Variants in CDH15 observed in about 807,000 individuals in gnomAD.
CDH15 encodes cadherin-15.
In CDH15, 73 loss-of-function variants were observed where a neutral mutation model predicts 69.4. The observed-to-expected ratio is 1.05, with a 90% CI of 0.87 to 1.28. CDH15 has a LOEUF of 1.28. Ranked by LOEUF, CDH15 falls within the 50% of genes most tolerant of loss-of-function variation. The pLI, the probability that CDH15 is intolerant of heterozygous loss-of-function variation, is 0.00. For synonymous variants in CDH15, 624 were observed against 507.7 expected (o/e 1.23, Z -3.08); for missense variants, 1,343 against 1,133.6 (o/e 1.18, Z -2.65).
intron 13 of CDH15, 139 bp downstream of exon 13, chr16:89,194,052 A>C: frequency 9.6e-7 from 1 of 1,042,282 alleles, no homozygotes; most frequent in East Asian, 2.6e-5. Context: ...CCGCAGAGGA[A>C]GATGGTGTGC....
intron 2 of CDH15, 100 bp downstream of exon 2, chr16:89,179,674 A>G (rs1915332839): frequency 1.6e-6 from 2 of 1,235,620 alleles, no homozygotes; most frequent in Admixed American, 5.1e-5. Context: ...GCGGGGCCCC[A>G]TTTCAGGACA....
chr16:89,177,257 G>A (rs981025903), intron 1 of CDH15, among the ~76,000 whole-genome samples: 3 of 152,126 alleles, frequency 2.0e-5, no homozygotes, highest in African/African-American at 4.8e-5. Flanking sequence ...GGGTACCCTC[G>A]CCAAGGCTGA....
rs534713681 is a variant in CDH15 at position 89,185,392 on chromosome 16, G to A, written c.663+59G>A. ...CGGCCAGGGCAGCCCATCTCCTGCG[G>A]GTCCCTCTGCCCCCAGCCTGCCCAC... On this transcript the variant is annotated intron_variant, in intron 5 of 13. Coordinates refer to ENST00000289746, the MANE Select transcript of CDH15 (RefSeq NM_004933.3). The A allele has an allele frequency of 3.3e-6, 5 of 1,529,634 alleles. No homozygotes were observed. In the African/African-American group the frequency reaches 4.1e-5, roughly 13 times the overall value. 94.8% of individuals were successfully genotyped at this position (1,529,634 alleles called of 1,614,324 possible).
Sources: gnomAD v4.1 joint callset for allele counts (sites outside exome capture counted in the v4.1 genomes callset) on GRCh38, gnomAD v4.1.1 for gene constraint, MANE v1.5 for transcripts, NCBI Gene and HGNC (gene_info 2026-07-23, HGNC 2026-07-21) for gene names.